CLDN10: variants seen among roughly 807,000 people sequenced by gnomAD.
CLDN10 encodes claudin 10.
CLDN10 carries 15 observed loss-of-function variants against 22.9 expected under a neutral mutation model. The ratio of observed to expected loss-of-function variants is 0.65; its 90% confidence interval spans 0.44 to 1.01. The LOEUF is 1.01. Ranked by LOEUF, CLDN10 falls within the 50% of genes least tolerant of loss-of-function variation. CLDN10 has a pLI of 0.00. For missense variants in CLDN10, 247 were observed against 287.8 expected (o/e 0.86, Z 1.03); for synonymous variants, 114 against 111.4 (o/e 1.02, Z -0.15).
chr13:95,578,926 C>T lies in CLDN10; in HGVS notation c.*912C>T, dbSNP rs1283680698. On this transcript the variant is annotated 3_prime_UTR_variant, in exon 5 of 5. Transcript: ENST00000299339. ...GCACATCCATGTTAAGGGGCTGAGG[C>T]GTCCCTGGCACGGAATGCAGAGCCC... The T allele has an allele frequency of 6.6e-6, 1 of 152,160 alleles. No individual in the cohort carries two copies. The highest frequency in any genetic ancestry group is 1.5e-5 in the Non-Finnish European group (1 of 68,058). 9.4% of individuals were successfully genotyped at this position (152,160 alleles called of 1,614,324 possible). A position where few individuals can be genotyped will look rare whatever the true frequency, so the allele number is the denominator to read the frequency against.
intron 1 of CLDN10, among the ~76,000 whole-genome samples, chr13:95,442,846 G>A (rs569146067): frequency 1.3e-5 from 2 of 152,114 alleles, no homozygotes; most frequent in African/African-American, 2.4e-5. Flanking sequence ...GTAATAATAC[G>A]AATCAACTCA....
At chr13:95,538,270 G>A (rs761553325) in intron 1 of CLDN10, among the ~76,000 whole-genome samples, 6 of 142,728 alleles carry the variant, frequency 4.2e-5, no homozygotes, top group Admixed American at 7.6e-5. Context: ...AGAGTAGCTG[G>A]CACCTTACAG....
chr13:95,558,852 G>C (rs2043670386), intron 1 of CLDN10, among the ~76,000 whole-genome samples: 1 of 152,114 alleles, frequency 6.6e-6, no homozygotes, highest in Non-Finnish European at 1.5e-5. Context: ...TTGAACCCAG[G>C]AATTTGAGGC....
intron 1 of CLDN10, among the ~76,000 whole-genome samples, chr13:95,443,508 C>T (rs575277223): frequency 2.6e-5 from 4 of 152,096 alleles, no homozygotes; most frequent in South Asian, 4.2e-4. Context: ...GCATGGCACG[C>T]GAGACCACGC....
intron 1 of CLDN10, among the ~76,000 whole-genome samples, chr13:95,475,106 C>A (rs1031868714): frequency 7.2e-5 from 11 of 152,254 alleles, no homozygotes; most frequent in African/African-American, 2.4e-4. Context: ...AGGAGGAAAC[C>A]TATAAGCCAG....
chr13:95,567,551 A>G (rs146648429), intron 3 of CLDN10, among the ~76,000 whole-genome samples: 47 of 152,312 alleles, frequency 3.1e-4, no homozygotes, highest in African/African-American at 1.0e-3. Context: ...TGAATATACA[A>G]TCATGTCATC....
chr13:95,469,978 G>A (rs2042615018), intron 1 of CLDN10, among the ~76,000 whole-genome samples: 1 of 152,078 alleles, frequency 6.6e-6, no homozygotes, highest in Admixed American at 6.6e-5. Flanking sequence ...CAATACAACA[G>A]TACTTGAAAA....
At chr13:95,498,475 G>A (rs1418312443) in intron 1 of CLDN10, among the ~76,000 whole-genome samples, 2 of 152,084 alleles carry the variant, frequency 1.3e-5, no homozygotes, top group East Asian at 1.9e-4. Context: ...GCTCAGTGCA[G>A]CCTCAACCTC....
intron 1 of CLDN10, among the ~76,000 whole-genome samples, chr13:95,478,381 T>C (rs1353801582): frequency 2.0e-5 from 3 of 152,164 alleles, no homozygotes; most frequent in Admixed American, 2.0e-4. Flanking sequence ...GAGATTCAGA[T>C]TTAATTGAGA....
intron 1 of CLDN10, among the ~76,000 whole-genome samples, chr13:95,513,932 C>T (rs1317636787): frequency 6.6e-6 from 1 of 152,200 alleles, no homozygotes; most frequent in African/African-American, 2.4e-5. Flanking sequence ...CTTGCATCAG[C>T]TCTCAATAAC....
intron 1 of CLDN10, among the ~76,000 whole-genome samples, chr13:95,527,296 T>C (rs1006047670): frequency 3.9e-5 from 6 of 152,386 alleles, no homozygotes; most frequent in African/African-American, 1.2e-4. Flanking sequence ...TTATTCTTGA[T>C]GGTTTTCAAC....
chr13:95,476,178 G>A (rs886113119), intron 1 of CLDN10, among the ~76,000 whole-genome samples: 5 of 152,144 alleles, frequency 3.3e-5, no homozygotes, highest in African/African-American at 9.7e-5. Flanking sequence ...ATGGATTGTC[G>A]GCATTTGGTT....
At chr13:95,479,793 G>A (rs928209131) in intron 1 of CLDN10, 3 of 152,204 alleles carry the variant, frequency 2.0e-5, no homozygotes, top group African/African-American at 7.2e-5. Flanking sequence ...ACCCACATTG[G>A]CTGGACAGCA....
chr13:95,451,835 A>T (rs1218570303), intron 1 of CLDN10, among the ~76,000 whole-genome samples: 1 of 152,186 alleles, frequency 6.6e-6, no homozygotes. Context: ...CAGGGCATGG[A>T]GACTTTCCAG....
chr13:95,543,539 C>T (rs1168153885), intron 1 of CLDN10, among the ~76,000 whole-genome samples: 1 of 152,076 alleles, frequency 6.6e-6, no homozygotes, highest in Non-Finnish European at 1.5e-5. Flanking sequence ...AAAAATACTG[C>T]ATTTTCCAAA....
chr13:95,555,883 G>A (rs2043632880), intron 1 of CLDN10, among the ~76,000 whole-genome samples: 5 of 152,082 alleles, frequency 3.3e-5, no homozygotes, highest in Admixed American at 3.3e-4. Context: ...GGAGAAAGTG[G>A]CCATGGTGGC....
chr13:95,454,792 C>T (rs2042466447), intron 1 of CLDN10, among the ~76,000 whole-genome samples: 1 of 152,128 alleles, frequency 6.6e-6, no homozygotes, highest in Admixed American at 6.5e-5. Flanking sequence ...TTATAGGCAG[C>T]TTCTGGTTTT....
chr13:95,455,503 G>C (rs539823880), intron 1 of CLDN10, among the ~76,000 whole-genome samples: 33 of 152,274 alleles, frequency 2.2e-4, no homozygotes, highest in African/African-American at 7.7e-4. Flanking sequence ...AACAGAAACT[G>C]TGGCTTATAG....
In CLDN10 at chr13:95,577,956, G is replaced by T. The variant is rs1407476973; in HGVS notation, c.629G>T (p.Gly210Val). 6.2e-7 allele frequency: 1 copy of T among 1,613,938 alleles called. No homozygotes were observed. The highest frequency in any genetic ancestry group is 8.5e-7 in the Non-Finnish European group (1 of 1,179,886). The part of the protein sequence containing the change: ...VMSSRTKYHG[G>V]EDFKTTNPSK... ...TCTTCTCGGACAAAGTATCATGGTG[G>T]AGAAGATTTTAAAACAACAAACCCT... The change falls in exon 5 of 5, where the codon GGA becomes GTA. Residue 210 changes from glycine (G) to valine (V), a missense_variant. Physicochemically the swap from Gly to Val is moderately radical, Grantham distance 109. Coordinates refer to ENST00000299339, the MANE Select transcript of CLDN10 (RefSeq NM_006984.5).
Sources: gnomAD v4.1 joint callset for allele counts (sites outside exome capture counted in the v4.1 genomes callset) on GRCh38, gnomAD v4.1.1 for gene constraint, MANE v1.5 for transcripts, NCBI Gene and HGNC (gene_info 2026-07-23, HGNC 2026-07-21) for gene names.